FAM216A: variants seen among roughly 807,000 people sequenced by gnomAD.
FAM216A encodes protein FAM216A.
A neutral mutation model predicts 37.6 loss-of-function variants in FAM216A; 26 were observed. The observed-to-expected ratio is 0.69, with a 90% confidence interval of 0.51 to 0.96. The LOEUF (loss-of-function observed/expected upper bound fraction) is 0.96. FAM216A is among the 40% of genes least tolerant of loss of function. FAM216A has a pLI of 0.00. For synonymous variants in FAM216A, 110 were observed against 121.7 expected (o/e 0.90, Z 0.64); for missense variants, 326 against 339.3 (o/e 0.96, Z 0.31).
At chr12:110,472,057 C>A (rs973949358) in intron 1 of FAM216A, among the ~76,000 whole-genome samples, 5 of 151,572 alleles carry the variant, frequency 3.3e-5, no homozygotes, top group Non-Finnish European at 5.9e-5. Flanking sequence ...CATGGCGAAA[C>A]CTTGTCTGTA....
intron 1 of FAM216A, chr12:110,469,414 C>T (rs570451364): frequency 7.4e-5 from 15 of 203,726 alleles, no homozygotes; most frequent in Admixed American, 4.8e-4. Flanking sequence ...CCCGGTTCAA[C>T]TGGGGGCATC....
At chr12:110,484,201 G>C (rs1008074456) in intron 2 of FAM216A, among the ~76,000 whole-genome samples, 2 of 152,056 alleles carry the variant, frequency 1.3e-5, no homozygotes, top group African/African-American at 4.8e-5. Flanking sequence ...GGCTGAGGCG[G>C]AGGATCATGA....
Position 110,487,962 on chromosome 12 carries a change from C to A in FAM216A, c.703+19C>A, listed in dbSNP as rs1265718778. ...CAAACAGGTAAATGTGGAAATTTAA[C>A]AATATTCATTTTTTAAGATCTTATG... is the stretch of plus-strand genomic sequence containing the variant. On this transcript the variant is annotated intron_variant, in intron 6 of 6. Transcript: ENST00000377673. 3.5e-6 allele frequency: 5 copies of A among 1,438,366 alleles called. No individual in the cohort carries two copies. Among genetic ancestry groups the A allele is most frequent in the Admixed American group, 3.8e-5 (2 of 53,248 alleles). The allele number at this position is 1,438,366 out of a possible 1,614,324, so 89.1% of individuals were successfully genotyped here.
At chr12:110,489,605 G>T (rs983313246) in intron 6 of FAM216A, among the ~76,000 whole-genome samples, 1 of 152,126 alleles carries the variant, frequency 6.6e-6, no homozygotes, top group Non-Finnish European at 1.5e-5. Context: ...TGAGGGAAAG[G>T]GCAGGAGAGA....
intron 2 of FAM216A, among the ~76,000 whole-genome samples, chr12:110,484,443 A>AC (rs1565853386): frequency 2.7e-5 from 4 of 147,444 alleles, no homozygotes; most frequent in Non-Finnish European, 6.1e-5. Context: ...AAAAAAAAAA[A>AC]AAAAAAAAAA....
At chr12:110,486,770 T>G (rs1393746717) in intron 5 of FAM216A, 53 bp downstream of exon 5, 1 of 1,522,336 alleles carries the variant, frequency 6.6e-7, no homozygotes, top group East Asian at 2.2e-5. Flanking sequence ...AATTTTTTTT[T>G]TTCTCAGACA....
chr12:110,478,597 A>C (rs756853280), intron 2 of FAM216A, among the ~76,000 whole-genome samples: 1 of 152,170 alleles, frequency 6.6e-6, no homozygotes, highest in African/African-American at 2.4e-5. Context: ...GTTGGCTTGA[A>C]GATGAAGAGA....
chr12:110,485,920 GA>G (rs2062774307), intron 3 of FAM216A, among the ~76,000 whole-genome samples: 1 of 152,162 alleles, frequency 6.6e-6, no homozygotes, highest in Non-Finnish European at 1.5e-5. Flanking sequence ...TCTGGTGCTG[GA>G]AAAGAATGTT....
At chr12:110,469,133 G>C in intron 1 of FAM216A, 115 bp downstream of exon 1, 1 of 1,222,748 alleles carries the variant, frequency 8.2e-7, no homozygotes, top group Non-Finnish European at 1.1e-6. Context: ...CTCGGGGGCT[G>C]GCCCCGGTGC....
intron 1 of FAM216A, among the ~76,000 whole-genome samples, chr12:110,471,583 A>C (rs1177570535): frequency 2.6e-5 from 4 of 152,320 alleles, no homozygotes; most frequent in Non-Finnish European, 4.4e-5. Context: ...AGAAAGGAAG[A>C]CACAGGAGGG....
intron 2 of FAM216A, among the ~76,000 whole-genome samples, chr12:110,474,692 A>C (rs1469620163): frequency 0.012 from 274 of 23,684 alleles, no homozygotes; most frequent in African/African-American, 0.052. Flanking sequence ...ACTCTGTCTC[A>C]AAAAAAAAAA....
In FAM216A at chr12:110,468,942, C is replaced by T. The variant is rs1353881737; in HGVS notation, c.67C>T (p.Pro23Ser). 1.3e-6 allele frequency: 2 copies of T among 1,525,106 alleles called. No homozygotes were observed. Among genetic ancestry groups the T allele is most frequent in the Middle Eastern group, 2.1e-4 (1 of 4,864 alleles). 94.5% of individuals were successfully genotyped at this position (1,525,106 alleles called of 1,614,324 possible). A position where few individuals can be genotyped will look rare whatever the true frequency, so the allele number is the denominator to read the frequency against. The change falls in exon 1 of 7, where the codon CCG becomes TCG. Residue 23 changes from proline (P) to serine (S), a missense_variant. Physicochemically the swap from Pro to Ser is moderately conservative, Grantham distance 74. Transcript: ENST00000377673. The stretch of plus-strand genomic sequence containing the variant: ...CGCCGCGGAGATGCCCGGCCAGGGT[C>T]CGGGGTCCGACTGGACGGAGCGTAG... The part of the protein sequence containing the change: ...LGAAEMPGQG[P>S]GSDWTERSSS...
chr12:110,469,337 G>A, intron 1 of FAM216A: 1 of 303,214 alleles, frequency 3.3e-6, no homozygotes. Context: ...TGGGACGTTT[G>A]CTGTCTGGCA....
In FAM216A at chr12:110,486,582, AACAGCATT is replaced by A. The variant is rs1332215754; in HGVS notation, c.488_495del (p.Gln163ProfsTer18). On this transcript the variant is annotated frameshift_variant, in exon 5 of 7. Coordinates refer to ENST00000377673, the MANE Select transcript of FAM216A (RefSeq NM_013300.3). LOFTEE classifies it high-confidence loss of function. ...CGCCTTAGCTCCCGTTACTCACAGAAACAGCATTACCCTTGCACTACATGGCGACATCA... is the reference window on the plus strand; with the variant it reads ...CGCCTTAGCTCCCGTTACTCACAGAAACCCTTGCACTACATGGCGACATCA... 6.2e-7 allele frequency: 1 copy of A among 1,614,112 alleles called. No homozygotes were observed. Among genetic ancestry groups the A allele is most frequent in the Non-Finnish European group, 8.5e-7 (1 of 1,180,020 alleles).
chr12:110,486,591 AC>A lies in FAM216A; in HGVS notation c.497del (p.Pro166LeufsTer37). ...LSSRYSQKQH[Y>X]PCTTWRHQLE... ...TCCCGTTACTCACAGAAACAGCATTACCCTTGCACTACATGGCGACATCAAC... is the reference window on the plus strand; with the variant it reads ...TCCCGTTACTCACAGAAACAGCATTACCTTGCACTACATGGCGACATCAAC... On this transcript the variant is annotated frameshift_variant, in exon 5 of 7. Transcript: ENST00000377673. LOFTEE classifies it high-confidence loss of function. 1 of 1,613,938 alleles carries A rather than the reference AC, an allele frequency of 6.2e-7. No homozygotes were observed. Among genetic ancestry groups the A allele is most frequent in the Non-Finnish European group, 8.5e-7 (1 of 1,179,986 alleles).
Position 110,490,006 on chromosome 12 carries a change from A to AT in FAM216A, c.704-8dup. ...CCAAAACAGACAATTGTAAATTCTT[A>AT]TTTTTCCTTCAGTTTCTTCAGATGA... On this transcript the variant is annotated splice_polypyrimidine_tract_variant and intron_variant, in intron 6 of 6. Coordinates refer to ENST00000377673, the MANE Select transcript of FAM216A (RefSeq NM_013300.3). 8.4e-7 allele frequency: 1 copy of AT among 1,189,092 alleles called. No individual in the cohort carries two copies. Among genetic ancestry groups the AT allele is most frequent in the Non-Finnish European group, 1.3e-6 (1 of 798,246 alleles). The allele number at this position is 1,189,092 out of a possible 1,614,324, so 73.7% of individuals were successfully genotyped here.
chr12:110,487,357 A>AC (rs1474830072), intron 5 of FAM216A: 1 of 118,520 alleles, frequency 8.4e-6, no homozygotes, highest in Non-Finnish European at 1.8e-5. Flanking sequence ...CTGGTCTTGA[A>AC]CCCCCAACCT....
intron 3 of FAM216A, 142 bp downstream of exon 3, chr12:110,485,341 TCTTTGAGTAA>T: frequency 1.6e-6 from 1 of 614,978 alleles, no homozygotes; most frequent in Non-Finnish European, 2.7e-6. Flanking sequence ...TCAATAAATA[TCTTTGAGTAA>T]ACTCATGAAT....
intron 3 of FAM216A, among the ~76,000 whole-genome samples, chr12:110,485,608 G>A (rs1456882891): frequency 1.3e-5 from 2 of 152,038 alleles, no homozygotes; most frequent in Non-Finnish European, 2.9e-5. Context: ...TTTAAAAAAA[G>A]AAAAATAAAT....
Sources: gnomAD v4.1 joint callset for allele counts (sites outside exome capture counted in the v4.1 genomes callset) on GRCh38, gnomAD v4.1.1 for gene constraint, MANE v1.5 for transcripts, NCBI Gene and HGNC (gene_info 2026-07-23, HGNC 2026-07-21) for gene names.